SEMA6D: variants seen among roughly 807,000 people sequenced by gnomAD.
SEMA6D encodes the protein semaphorin 6D.
Under a neutral mutation model 106.6 loss-of-function variants are expected in SEMA6D, and 35 were observed. That is an observed-to-expected ratio of 0.33 (90% CI 0.25 to 0.44). SEMA6D has a LOEUF of 0.44. Among genes scored for constraint, SEMA6D ranks in the 20% least tolerant of loss-of-function variants. SEMA6D has a pLI of 1.00. For missense variants in SEMA6D, 1,185 were observed against 1,345.9 expected, an observed-to-expected ratio of 0.88 and a Z score of 1.87; for synonymous variants, 499 against 487.7, an observed-to-expected ratio of 1.02 and a Z score of -0.31.
intron 4 of SEMA6D, among the ~76,000 whole-genome samples, chr15:47,690,596 TA>T (rs1437183242): frequency 2.0e-5 from 3 of 152,272 alleles, no homozygotes; most frequent in South Asian, 2.1e-4. Context: ...GACCAAATAA[TA>T]ACAAAGCATT....
At chr15:47,605,252 T>C (rs2076753787) in intron 4 of SEMA6D, 1 of 152,234 alleles carries the variant, frequency 6.6e-6, no homozygotes, top group East Asian at 1.9e-4. Flanking sequence ...TGCTTCTCAT[T>C]ATCTATTACT....
chr15:47,261,597 A>G (rs2034077862), intron 1 of SEMA6D, among the ~76,000 whole-genome samples: 1 of 152,116 alleles, frequency 6.6e-6, no homozygotes, highest in African/African-American at 2.4e-5. Flanking sequence ...TCCAACCATA[A>G]CCACAGTTGA....
At chr15:47,475,949 A>G (rs1713483475) in intron 3 of SEMA6D, among the ~76,000 whole-genome samples, 1 of 152,200 alleles carries the variant, frequency 6.6e-6, no homozygotes, top group African/African-American at 2.4e-5. Context: ...CATCTATGAC[A>G]GTGCTGCTGA....
At chr15:47,417,413 ATGTGTGTG>A (rs34541759) in intron 2 of SEMA6D, among the ~76,000 whole-genome samples, 1 of 146,560 alleles carries the variant, frequency 6.8e-6, no homozygotes, top group Non-Finnish European at 1.5e-5. Context: ...GTGTGTGTAT[ATGTGTGTG>A]TGTGTGTGTG....
chr15:47,539,486 G>A (rs1434018959), intron 3 of SEMA6D, among the ~76,000 whole-genome samples: 2 of 151,816 alleles, frequency 1.3e-5, no homozygotes, highest in African/African-American at 2.4e-5. Context: ...GTGCAGTGGC[G>A]TGATCTCAGC....
At chr15:47,353,204 C>CAGTGT (rs2038398077) in intron 1 of SEMA6D, among the ~76,000 whole-genome samples, 1 of 152,216 alleles carries the variant, frequency 6.6e-6, no homozygotes, top group South Asian at 2.1e-4. Flanking sequence ...TGGTGAATTA[C>CAGTGT]ACTGACATTT....
intron 1 of SEMA6D, among the ~76,000 whole-genome samples, chr15:47,330,642 G>A (rs2037307053): frequency 6.6e-6 from 1 of 152,154 alleles, no homozygotes; most frequent in Non-Finnish European, 1.5e-5. Context: ...GACTCACAAA[G>A]GTAAGTAAGA....
At chr15:47,475,178 G>T (rs377065051) in intron 3 of SEMA6D, among the ~76,000 whole-genome samples, 1 of 152,010 alleles carries the variant, frequency 6.6e-6, no homozygotes, top group South Asian at 2.1e-4. Flanking sequence ...AAAAGAAAGC[G>T]CTCTCATTTA....
chr15:47,583,027 C>A (rs2076280593), intron 3 of SEMA6D, among the ~76,000 whole-genome samples: 1 of 152,206 alleles, frequency 6.6e-6, no homozygotes, highest in Admixed American at 6.5e-5. Flanking sequence ...TACTGAATAG[C>A]TAATGAGAGC....
intron 1 of SEMA6D, among the ~76,000 whole-genome samples, chr15:47,288,899 G>A (rs528008507): frequency 2.9e-4 from 44 of 152,204 alleles, no homozygotes; most frequent in African/African-American, 1.0e-3. Flanking sequence ...GCATACTAAT[G>A]CTTCCTTCAA....
intron 1 of SEMA6D, among the ~76,000 whole-genome samples, chr15:47,207,599 G>A (rs1321912633): frequency 1.3e-5 from 2 of 152,140 alleles, no homozygotes; most frequent in South Asian, 2.1e-4. Flanking sequence ...GAATTTCATG[G>A]TTTGAGAAGA....
At chr15:47,368,632 G>A (rs985143046) in intron 1 of SEMA6D, among the ~76,000 whole-genome samples, 5 of 152,116 alleles carry the variant, frequency 3.3e-5, no homozygotes, top group South Asian at 4.1e-4. Flanking sequence ...CACTACGCCC[G>A]AAATTAGCCT....
chr15:47,635,976 A>AAT (rs2077380931), intron 4 of SEMA6D, among the ~76,000 whole-genome samples: 1 of 121,076 alleles, frequency 8.3e-6, no homozygotes. Flanking sequence ...AAAAAAAAAA[A>AAT]TTTTACCGAA....
intron 3 of SEMA6D, among the ~76,000 whole-genome samples, chr15:47,528,818 A>T (rs554595487): frequency 6.6e-6 from 1 of 152,304 alleles, no homozygotes; most frequent in Non-Finnish European, 1.5e-5. Flanking sequence ...TGATCAATTC[A>T]GGGGTAAGGG....
At chr15:47,235,345 C>T (rs1018872843) in intron 1 of SEMA6D, among the ~76,000 whole-genome samples, 1 of 151,512 alleles carries the variant, frequency 6.6e-6, no homozygotes, top group African/African-American at 2.4e-5. Flanking sequence ...TAATTAGGTC[C>T]CATCAATTTT....
chr15:47,760,203 T>C (rs2081985250), intron 2 of SEMA6D, 101 bp from the exon 3 acceptor site: 1 of 802,564 alleles, frequency 1.2e-6, no homozygotes, highest in East Asian at 2.6e-5. Context: ...GGAATTTAGT[T>C]AAAACCCTTC....
At chr15:47,310,885 A>G (rs1256652179) in intron 1 of SEMA6D, among the ~76,000 whole-genome samples, 1 of 152,200 alleles carries the variant, frequency 6.6e-6, no homozygotes, top group Non-Finnish European at 1.5e-5. Flanking sequence ...TAACAAATTC[A>G]TGCAAGATTT....
intron 1 of SEMA6D, among the ~76,000 whole-genome samples, chr15:47,743,524 T>C (rs1334663306): frequency 6.6e-6 from 1 of 152,036 alleles, no homozygotes; most frequent in Admixed American, 6.5e-5. Flanking sequence ...AAACCTACAG[T>C]GCGGGGGAGT....
intron 1 of SEMA6D, among the ~76,000 whole-genome samples, chr15:47,224,544 T>C (rs942665718): frequency 3.3e-5 from 5 of 152,248 alleles, no homozygotes; most frequent in African/African-American, 1.2e-4. Flanking sequence ...ACGTTTTATC[T>C]CAGATCTCTT....
Sources: allele counts gnomAD v4.1 joint callset (sites outside exome capture counted in the v4.1 genomes callset), GRCh38; gene constraint gnomAD v4.1.1; transcripts MANE v1.5; gene names NCBI Gene and HGNC (gene_info 2026-07-23, HGNC 2026-07-21).